BCAT1: variants seen among roughly 807,000 people sequenced by gnomAD.
The protein encoded by BCAT1 is branched chain amino acid transaminase 1, also known as branched-chain-amino-acid aminotransferase, cytosolic.
In BCAT1, 48 loss-of-function variants were observed where a neutral mutation model predicts 52.4. That is an observed-to-expected ratio of 0.92 (90% CI 0.73 to 1.16). The LOEUF (loss-of-function observed/expected upper bound fraction) is 1.16, where lower values mean the gene tolerates loss of function less well. BCAT1 is among the 50% of genes most tolerant of loss of function. BCAT1 has a pLI of 0.00. For synonymous variants in BCAT1, 167 were observed against 161.3 expected (o/e 1.04, Z -0.27); for missense variants, 451 against 457.1 (o/e 0.99, Z 0.12).
At chr12:24,868,290 CG>C (rs1381394037) in intron 5 of BCAT1, among the ~76,000 whole-genome samples, 1 of 151,764 alleles carries the variant, frequency 6.6e-6, no homozygotes, top group Non-Finnish European at 1.5e-5. Context: ...AAATTCAGTA[CG>C]GTACATATGT....
Position 24,894,298 on chromosome 12 carries a change from A to G in BCAT1, c.256T>C (p.Ser86Pro). The stretch of plus-strand genomic sequence containing the variant: ...ACTTCCACTGCATAGTGCAAAGCTG[A>G]TGAGCCAGGGTGCAATGACAGGTTC... Reference protein sequence around the residue: ...LQNLSLHPGSSALHYAVELFE... With the variant: ...LQNLSLHPGSPALHYAVELFE... Residue 86 changes from serine to proline, a missense_variant, in exon 3 of 11, where the codon TCA (serine) becomes CCA (proline). Ser to Pro is a moderately conservative substitution (Grantham distance 74). Transcript: ENST00000261192. 2 of 1,613,970 alleles carry G rather than the reference A, an allele frequency of 1.2e-6. No homozygotes were observed. The highest frequency in any genetic ancestry group is 1.7e-6 in the Non-Finnish European group (2 of 1,179,892).
chr12:24,866,134 C>T (rs1565471510), intron 5 of BCAT1, among the ~76,000 whole-genome samples: 2 of 152,206 alleles, frequency 1.3e-5, no homozygotes, highest in Non-Finnish European at 2.9e-5. Flanking sequence ...GCTGGAGTTC[C>T]GGGTGGGAGT....
intron 1 of BCAT1, among the ~76,000 whole-genome samples, chr12:24,911,466 G>C (rs982530861): frequency 1.3e-5 from 2 of 152,198 alleles, no homozygotes; most frequent in Non-Finnish European, 2.9e-5. Context: ...GTGGCAGGGT[G>C]ACACACAGAA....
intron 1 of BCAT1, chr12:24,902,678 C>T: frequency 1.9e-6 from 1 of 521,988 alleles, no homozygotes; most frequent in Non-Finnish European, 3.2e-6. Flanking sequence ...TCCCCCGTGG[C>T]GGTCCTCGCC....
chr12:24,883,589 AAATT>A (rs1416102617), intron 3 of BCAT1, among the ~76,000 whole-genome samples: 1 of 152,192 alleles, frequency 6.6e-6, no homozygotes, highest in South Asian at 2.1e-4. Flanking sequence ...TGCTAAAAAT[AAATT>A]AATTAAACTA....
intron 1 of BCAT1, among the ~76,000 whole-genome samples, chr12:24,912,232 G>C (rs1344268892): frequency 1.3e-5 from 2 of 152,010 alleles, no homozygotes; most frequent in African/African-American, 4.8e-5. Context: ...AATTAGAAGA[G>C]GGCTGGGCGC....
intron 5 of BCAT1, among the ~76,000 whole-genome samples, chr12:24,863,583 G>T (rs1289076999): frequency 6.6e-6 from 1 of 152,198 alleles, no homozygotes; most frequent in Non-Finnish European, 1.5e-5. Flanking sequence ...AAGTGGTCCA[G>T]GATACTTGAT....
intron 1 of BCAT1, among the ~76,000 whole-genome samples, chr12:24,917,997 C>T (rs893499481): frequency 6.6e-6 from 1 of 152,166 alleles, no homozygotes; most frequent in East Asian, 1.9e-4. Flanking sequence ...AAGTTCATGA[C>T]GATAAGGTAC....
chr12:24,885,864 C>T (rs1212766002), intron 3 of BCAT1, among the ~76,000 whole-genome samples: 2 of 152,122 alleles, frequency 1.3e-5, no homozygotes, highest in African/African-American at 4.8e-5. Context: ...TTACTTCATA[C>T]AAAAATCAAC....
chr12:24,837,628 T>C (rs1413642715), intron 7 of BCAT1, among the ~76,000 whole-genome samples: 1 of 151,938 alleles, frequency 6.6e-6, no homozygotes, highest in African/African-American at 2.4e-5. Flanking sequence ...GGTTTCACCA[T>C]GTTGGTCAGG....
chr12:24,889,951 C>T (rs759070087), intron 3 of BCAT1, among the ~76,000 whole-genome samples: 1 of 152,160 alleles, frequency 6.6e-6, no homozygotes, highest in African/African-American at 2.4e-5. Flanking sequence ...AGTGAGCTTC[C>T]GGATAGCAGA....
At chr12:24,866,175 C>G (rs1028452257) in intron 5 of BCAT1, among the ~76,000 whole-genome samples, 1 of 152,172 alleles carries the variant, frequency 6.6e-6, no homozygotes, top group Non-Finnish European at 1.5e-5. Context: ...TCGGAGCGAC[C>G]GGCTGGCCCT....
In BCAT1 at chr12:24,949,092, G is replaced by T. The variant is rs1426852236; in HGVS notation, c.-160C>A. ...AGGCGGCGGCGAGTACACGTGGCGG[G>T]CTGGATTGCAGACCGGCCCTCTCGC... On this transcript the variant is annotated 5_prime_UTR_variant, in exon 1 of 11. Transcript: ENST00000261192. 4.5e-6 allele frequency: 3 copies of T among 664,800 alleles called. No homozygotes were observed. The highest frequency in any genetic ancestry group is 5.7e-5 in the Admixed American group (2 of 35,058). The allele number at this position is 664,800 out of a possible 1,614,324, so 41.2% of individuals were successfully genotyped here. A position where few individuals can be genotyped will look rare whatever the true frequency, so the allele number is the denominator to read the frequency against.
intron 2 of BCAT1, among the ~76,000 whole-genome samples, chr12:24,900,433 G>A (rs12322309): frequency 0.067 from 10,129 of 152,066 alleles, 632 homozygotes; most frequent in African/African-American, 0.16. Flanking sequence ...AAAAAATGAC[G>A]AAATTAGTTG....
Position 24,875,319 on chromosome 12 carries a change from T to C in BCAT1, c.510+3211A>G, listed in dbSNP as rs372123826. Among the ~76,000 whole-genome samples, 84 of 152,340 alleles carry C rather than the reference T, an allele frequency of 5.5e-4. No individual in the cohort carries two copies. The South Asian group carries it at 9.1e-3, about 17-fold the overall frequency. On this transcript the variant is annotated intron_variant, in intron 5 of 10. Coordinates refer to ENST00000261192, the MANE Select transcript of BCAT1 (RefSeq NM_005504.7). ...TGGATGTTATTTGTATCATGTTCCTTTCTGAATCACAAGTGATGGTTTATT... is the reference window on the plus strand; with the variant it reads ...TGGATGTTATTTGTATCATGTTCCTCTCTGAATCACAAGTGATGGTTTATT...
In BCAT1 at chr12:24,832,817, G is replaced by A; in HGVS notation, c.950C>T (p.Thr317Ile). Residue 317 changes from threonine to isoleucine, a missense_variant, in exon 9 of 11, where the codon ACA (threonine) becomes ATA (isoleucine). Coordinates refer to ENST00000261192, the MANE Select transcript of BCAT1 (RefSeq NM_005504.7). ...CACTCTGTTCCCCTCCAGGGCTGTT[G>A]TCAAGTCATCCATGGTGAGGTATCT... ...SERYLTMDDL[T>I]TALEGNRVRE... is the part of the protein sequence containing the mutation. 6.2e-7 allele frequency: 1 copy of A among 1,612,374 alleles called. No individual in the cohort carries two copies. The highest frequency in any genetic ancestry group is 2.2e-5 in the East Asian group (1 of 44,844).
At position 24,881,463 on chromosome 12, in the gene BCAT1, G is replaced by A. The variant is rs376621576; in HGVS notation, c.280-52C>T. The stretch of plus-strand genomic sequence containing the variant: ...GAGGGTAACCAAAAGAAAACAACCC[G>A]TGTTCAAGAGACTGACTTTCCTATG... On this transcript the variant is annotated intron_variant, in intron 3 of 10. Coordinates refer to ENST00000261192, the MANE Select transcript of BCAT1 (RefSeq NM_005504.7). The A allele has an allele frequency of 2.7e-5, 32 of 1,200,844 alleles. No individual in the cohort carries two copies. In the African/African-American group the frequency reaches 3.3e-4, roughly 12 times the overall value. The allele number at this position is 1,200,844 out of a possible 1,614,324, so 74.4% of individuals were successfully genotyped here.
At position 24,817,349 on chromosome 12, in the gene BCAT1, T is replaced by C. The variant is rs1435271125; in HGVS notation, c.*659A>G. 6.5e-6 allele frequency: 1 copy of C among 152,896 alleles called. No individual in the cohort carries two copies. The highest frequency in any genetic ancestry group is 2.4e-5 in the African/African-American group (1 of 41,450). The allele number at this position is 152,896 out of a possible 1,614,324, so 9.5% of individuals were successfully genotyped here. On this transcript the variant is annotated 3_prime_UTR_variant, in exon 11 of 11. Coordinates refer to ENST00000261192, the MANE Select transcript of BCAT1 (RefSeq NM_005504.7). ...GATCTATAAGGCACAAGACCCTCAGTCTTGTAGTCGCCTGACAGCCAGCCA... is the reference window on the plus strand; with the variant it reads ...GATCTATAAGGCACAAGACCCTCAGCCTTGTAGTCGCCTGACAGCCAGCCA...
intron 4 of BCAT1, among the ~76,000 whole-genome samples, chr12:24,880,066 T>C (rs1214819874): frequency 2.0e-5 from 3 of 152,114 alleles, no homozygotes; most frequent in Non-Finnish European, 2.9e-5. Context: ...CCAAAGGAGA[T>C]GGGTGAAATG....
Sources: allele counts gnomAD v4.1 joint callset (sites outside exome capture counted in the v4.1 genomes callset), GRCh38; gene constraint gnomAD v4.1.1; transcripts MANE v1.5; gene names NCBI Gene and HGNC (gene_info 2026-07-23, HGNC 2026-07-21).